The following RTN4 variants were observed in gnomAD, a reference collection of about 807,000 sequenced individuals.
RTN4 encodes the protein reticulon 4, also known as reticulon-4.
RTN4 carries 32 observed loss-of-function variants against 90.4 expected under a neutral mutation model. The ratio of observed to expected loss-of-function variants is 0.35; its 90% CI spans 0.27 to 0.48. The LOEUF is 0.48. Ranked by LOEUF, RTN4 falls within the 20% of genes least tolerant of loss-of-function variation. The pLI, the probability that RTN4 is intolerant of heterozygous loss-of-function variation, is 0.99. For synonymous variants in RTN4, 629 were observed against 552.5 expected (o/e 1.14, Z -1.94); for missense variants, 1,706 against 1,430.2 (o/e 1.19, Z -3.11).
the RTN4 span, among the ~76,000 whole-genome samples, chr2:55,124,705 A>T: frequency 3.1e-4 from 47 of 152,366 alleles, 1 homozygote; most frequent in East Asian, 8.7e-3. Flanking sequence ...AGAACTAGAA[A>T]AAAACTATTT....
At chr2:55,064,919 G>A (rs1282740157) in intron 2 of RTN4, among the ~76,000 whole-genome samples, 4 of 151,958 alleles carry the variant, frequency 2.6e-5, no homozygotes, top group African/African-American at 7.3e-5. Flanking sequence ...AAAGTGATAG[G>A]GTATCAAATT....
chr2:55,049,521 G>C (rs764147559), intron 1 of RTN4: 2 of 698,552 alleles, frequency 2.9e-6, no homozygotes, highest in South Asian at 3.4e-5. Flanking sequence ...AGCGGTGCAC[G>C]TGTTCCCCGA....
At chr2:55,056,035 G>A (rs971266261) in intron 2 of RTN4, among the ~76,000 whole-genome samples, 2 of 151,588 alleles carry the variant, frequency 1.3e-5, no homozygotes, top group Admixed American at 1.3e-4. Context: ...TACACACACA[G>A]TAGTTCCACT....
At chr2:55,102,948 G>A (rs962131602) in intron 1 of RTN4, among the ~76,000 whole-genome samples, 2 of 151,582 alleles carry the variant, frequency 1.3e-5, no homozygotes, top group African/African-American at 2.4e-5. Context: ...GAGAAACCCC[G>A]TCTCTACTAA....
chr2:55,022,873 C>T (rs1236582666), intron 3 of RTN4, among the ~76,000 whole-genome samples: 2 of 143,862 alleles, frequency 1.4e-5, no homozygotes, highest in Admixed American at 1.5e-4. Flanking sequence ...TGCTATTCCT[C>T]TGAAATTCTA....
intron 1 of RTN4, among the ~76,000 whole-genome samples, chr2:55,100,160 A>G (rs1450048553): frequency 1.3e-5 from 2 of 152,174 alleles, no homozygotes; most frequent in African/African-American, 2.4e-5. Flanking sequence ...ACCAAGCACC[A>G]GTGTACTTTC....
chr2:54,985,634 G>A (rs1678499894), intron 4 of RTN4, among the ~76,000 whole-genome samples: 1 of 152,102 alleles, frequency 6.6e-6, no homozygotes, highest in Admixed American at 6.5e-5. Flanking sequence ...ATAAATGTTG[G>A]TCTCTCCCCC....
chr2:55,040,940 G>T (rs1683032089), intron 1 of RTN4, among the ~76,000 whole-genome samples: 1 of 151,124 alleles, frequency 6.6e-6, no homozygotes, highest in South Asian at 2.1e-4. Flanking sequence ...AGAAAAACAA[G>T]CTATTAAAGA....
intron 3 of RTN4, among the ~76,000 whole-genome samples, chr2:55,009,770 G>T (rs928168075): frequency 6.6e-6 from 1 of 152,148 alleles, no homozygotes; most frequent in Non-Finnish European, 1.5e-5. Flanking sequence ...ACAGCAATGT[G>T]TATTTACCAC....
chr2:55,068,825 C>T (rs538241859), intron 2 of RTN4, among the ~76,000 whole-genome samples: 1 of 152,288 alleles, frequency 6.6e-6, no homozygotes, highest in East Asian at 1.9e-4. Context: ...AAAAAATGGG[C>T]ACTCAAGGGT....
intron 2 of RTN4, among the ~76,000 whole-genome samples, chr2:55,062,598 G>A (rs1668320686): frequency 6.6e-6 from 1 of 152,222 alleles, no homozygotes. Flanking sequence ...TGGCAAGATT[G>A]TGTCGCAAGT....
intron 3 of RTN4, among the ~76,000 whole-genome samples, chr2:55,002,039 T>C (rs940930710): frequency 3.3e-5 from 5 of 151,266 alleles, no homozygotes; most frequent in African/African-American, 4.8e-5. Context: ...ATAAAGTCAA[T>C]CAAATCTTAT....
intron 2 of RTN4, among the ~76,000 whole-genome samples, chr2:55,067,524 T>C (rs1668416796): frequency 6.6e-6 from 1 of 152,106 alleles, no homozygotes; most frequent in Non-Finnish European, 1.5e-5. Flanking sequence ...GTGATTCTTG[T>C]GCCTCAGCCT....
chr2:54,987,367 A>C (rs1465334844), intron 4 of RTN4, 124 bp downstream of exon 4: 4 of 776,078 alleles, frequency 5.2e-6, no homozygotes, highest in South Asian at 3.3e-5. Flanking sequence ...AGCTCAAGCA[A>C]ATAACTGCAA....
At chr2:55,095,788 G>C (rs1019900076) in intron 1 of RTN4, among the ~76,000 whole-genome samples, 2 of 152,142 alleles carry the variant, frequency 1.3e-5, no homozygotes, top group Non-Finnish European at 2.9e-5. Flanking sequence ...TTTCCTGTTA[G>C]GATCCCATCC....
At chr2:54,999,135 G>A (rs1039731638) in intron 3 of RTN4, among the ~76,000 whole-genome samples, 1 of 152,184 alleles carries the variant, frequency 6.6e-6, no homozygotes, top group African/African-American at 2.4e-5. Flanking sequence ...ATGCCCTGCA[G>A]TCCTTGCCGT....
intron 1 of RTN4, among the ~76,000 whole-genome samples, chr2:55,097,503 T>C (rs969403510): frequency 1.3e-5 from 2 of 151,804 alleles, no homozygotes; most frequent in Admixed American, 1.3e-4. Context: ...GAAAGAGCAG[T>C]TGGAAGACAC....
intron 1 of RTN4, among the ~76,000 whole-genome samples, chr2:55,103,731 G>C (rs1281088063): frequency 6.6e-6 from 1 of 152,048 alleles, no homozygotes; most frequent in African/African-American, 2.4e-5. Context: ...GTCTCGCTCT[G>C]TTGCCCAGAG....
At chr2:54,976,413 G>T (rs994449770) in intron 5 of RTN4, among the ~76,000 whole-genome samples, 34 of 152,262 alleles carry the variant, frequency 2.2e-4, no homozygotes, top group Middle Eastern at 3.4e-3. Context: ...CCAGGCAGGT[G>T]ACATACATGT....
Sources: gnomAD v4.1 joint callset for allele counts (sites outside exome capture counted in the v4.1 genomes callset) on GRCh38, gnomAD v4.1.1 for gene constraint, MANE v1.5 for transcripts, NCBI Gene and HGNC (gene_info 2026-07-23, HGNC 2026-07-21) for gene names.